The following ANO2 variants were observed in gnomAD, a reference collection of about 807,000 sequenced individuals.
ANO2 encodes the protein anoctamin 2, also known as anoctamin-2.
ANO2 carries 101 observed loss-of-function variants against 124.2 expected under a neutral mutation model. The ratio of observed to expected loss-of-function variants is 0.81; its 90% confidence interval spans 0.69 to 0.96. ANO2 has a LOEUF of 0.96. Among genes scored for constraint, ANO2 ranks in the 40% least tolerant of loss-of-function variants. The pLI, the probability that ANO2 is intolerant of heterozygous loss-of-function variation, is 0.00. For missense variants in ANO2, 1,293 were observed against 1,274.5 expected (o/e 1.01, Z -0.22); for synonymous variants, 486 against 482.5 (o/e 1.01, Z -0.09).
At chr12:5,572,579 C>T (rs1164757714) in intron 23 of ANO2, among the ~76,000 whole-genome samples, 1 of 152,220 alleles carries the variant, frequency 6.6e-6, no homozygotes, top group Non-Finnish European at 1.5e-5. Context: ...TTATTGTCTG[C>T]TCCATCTAGA....
chr12:5,939,094 G>A (rs962068258), intron 1 of ANO2, among the ~76,000 whole-genome samples: 1 of 149,990 alleles, frequency 6.7e-6, no homozygotes, highest in Non-Finnish European at 1.5e-5. Context: ...GTGCGCGCCT[G>A]TAGTCCCAGC....
chr12:5,730,954 T>G (rs553328056), intron 14 of ANO2, among the ~76,000 whole-genome samples: 102 of 152,364 alleles, frequency 6.7e-4, no homozygotes, highest in African/African-American at 2.4e-3. Context: ...CAGATGTTTT[T>G]TAATTATTCA....
intron 3 of ANO2, among the ~76,000 whole-genome samples, chr12:5,882,365 T>C (rs4764498): frequency 0.88 from 133,604 of 152,280 alleles, 58,758 homozygotes; most frequent in African/African-American, 0.93. Flanking sequence ...AATGAGACTT[T>C]CTTCCTCTTG....
chr12:5,841,472 CATGA>C (rs777986826), intron 4 of ANO2, among the ~76,000 whole-genome samples: 5 of 152,252 alleles, frequency 3.3e-5, no homozygotes, highest in Non-Finnish European at 7.3e-5. Flanking sequence ...GTCCTCTACA[CATGA>C]ATGAATGTTT....
At chr12:5,865,911 C>T (rs775697320) in intron 3 of ANO2, among the ~76,000 whole-genome samples, 3 of 152,224 alleles carry the variant, frequency 2.0e-5, no homozygotes, top group African/African-American at 4.8e-5. Context: ...GGGCAATTAA[C>T]GTCCAAAGGG....
intron 4 of ANO2, chr12:5,839,540 A>G (rs992797098): frequency 1.8e-5 from 8 of 455,636 alleles, no homozygotes; most frequent in Admixed American, 9.4e-5. Flanking sequence ...CTACCACTCC[A>G]TGGCTCTGAA....
intron 3 of ANO2, among the ~76,000 whole-genome samples, chr12:5,877,689 C>A (rs554996191): frequency 7.9e-5 from 12 of 152,306 alleles, no homozygotes; most frequent in Admixed American, 5.9e-4. Context: ...CTTTTTGGCA[C>A]CAGGGACTAG....
intron 4 of ANO2, among the ~76,000 whole-genome samples, chr12:5,843,460 G>T (rs1954586385): frequency 1.3e-5 from 2 of 152,010 alleles, no homozygotes; most frequent in African/African-American, 2.4e-5. Context: ...TGCGGTATGA[G>T]AATTGCTTGA....
intron 11 of ANO2, among the ~76,000 whole-genome samples, chr12:5,748,378 T>A (rs1000784641): frequency 6.6e-6 from 1 of 152,186 alleles, no homozygotes; most frequent in African/African-American, 2.4e-5. Flanking sequence ...CCAAAAGCCA[T>A]GTTTTCTTAG....
At chr12:5,724,820 G>A (rs75972065) in intron 14 of ANO2, among the ~76,000 whole-genome samples, 334 of 152,148 alleles carry the variant, frequency 2.2e-3, no homozygotes, top group African/African-American at 7.7e-3. Flanking sequence ...CGGGGCCTGC[G>A]CACTGGCTAA....
intron 19 of ANO2, among the ~76,000 whole-genome samples, chr12:5,606,597 G>A (rs1018123269): frequency 1.3e-5 from 2 of 152,150 alleles, no homozygotes; most frequent in Non-Finnish European, 1.5e-5. Flanking sequence ...AAGTTGGTTT[G>A]GAGGAAACTA....
At chr12:5,668,034 A>G (rs1404113454) in intron 14 of ANO2, among the ~76,000 whole-genome samples, 1 of 152,236 alleles carries the variant, frequency 6.6e-6, no homozygotes, top group African/African-American at 2.4e-5. Context: ...GTATCTTTGT[A>G]ATAGAATGAT....
chr12:5,663,806 C>T (rs928993620), intron 14 of ANO2, among the ~76,000 whole-genome samples: 3 of 152,156 alleles, frequency 2.0e-5, no homozygotes, highest in Admixed American at 6.5e-5. Flanking sequence ...ATAGGCTGGT[C>T]GGGTCAGGCC....
At chr12:5,916,145 CACA>C (rs1941361731) in intron 3 of ANO2, among the ~76,000 whole-genome samples, 1 of 151,988 alleles carries the variant, frequency 6.6e-6, no homozygotes, top group Non-Finnish European at 1.5e-5. Context: ...GGCATGGTGG[CACA>C]CACCGCTGGT....
At chr12:5,808,870 G>A (rs1049864723) in intron 7 of ANO2, among the ~76,000 whole-genome samples, 14 of 152,002 alleles carry the variant, frequency 9.2e-5, no homozygotes, top group African/African-American at 7.2e-5. Flanking sequence ...CTCAAACCTC[G>A]CCCCCATTTG....
At chr12:5,827,867 C>T (rs1215645285) in intron 6 of ANO2, 47 bp from the exon 7 acceptor site, 5 of 1,579,080 alleles carry the variant, frequency 3.2e-6, no homozygotes, top group Non-Finnish European at 4.3e-6. Flanking sequence ...TTCCCCCCCG[C>T]CCTCCACCGT....
Position 5,908,773 on chromosome 12 carries a change from T to C in ANO2, c.534+12267A>G, listed in dbSNP as rs1370837784. On this transcript the variant is annotated intron_variant, in intron 3 of 24. Transcript: ENST00000682330. The surrounding 1 kb of genome is among the most constrained non-coding windows in gnomAD (Gnocchi z 4.7). ...AGCTAACATCCCCAACAGCTGCTCT[T>C]CCTTTTGCTTCCATTGTAACTGTCG... Among the ~76,000 whole-genome samples the C allele has an allele frequency of 2.0e-5, 3 of 152,222 alleles. No individual in the cohort carries two copies. Among genetic ancestry groups the C allele is most frequent in the Admixed American group, 1.3e-4 (2 of 15,274 alleles).
intron 16 of ANO2, among the ~76,000 whole-genome samples, chr12:5,624,628 T>C (rs1173478848): frequency 6.6e-6 from 1 of 152,088 alleles, no homozygotes; most frequent in African/African-American, 2.4e-5. Flanking sequence ...CTTTTCTCAT[T>C]CGACAAATAT....
Position 5,578,366 on chromosome 12 carries a change from C to A in ANO2, c.2386G>T (p.Gly796Ter). ...TGGGGCCTCTAAGTGGGGCACGTACCGATATCTTTGGTTCTTACAGCATCC... is the reference window on the plus strand; with the variant it reads ...TGGGGCCTCTAAGTGGGGCACGTACAGATATCTTTGGTTCTTACAGCATCC... The part of the protein sequence containing the change: ...RPDAVRTKDI[G>*]IWFDILSGIG... The change falls in exon 21 of 25, where the codon GGA becomes TGA. Residue 796 changes from glycine to a stop codon, truncating the protein, a stop_gained and splice_region_variant. Coordinates refer to ENST00000682330, the MANE Select transcript of ANO2 (RefSeq NM_001364791.2). LOFTEE classifies it high-confidence loss of function. 1 of 1,613,416 alleles carries A rather than the reference C, an allele frequency of 6.2e-7. No homozygotes were observed. The highest frequency in any genetic ancestry group is 8.5e-7 in the Non-Finnish European group (1 of 1,179,578).
Sources: allele counts gnomAD v4.1 joint callset (sites outside exome capture counted in the v4.1 genomes callset), GRCh38; gene constraint gnomAD v4.1.1; non-coding constraint Gnocchi (gnomAD v3.1); transcripts MANE v1.5; gene names NCBI Gene and HGNC (gene_info 2026-07-23, HGNC 2026-07-21).